Variants in DST observed in about 807,000 individuals in gnomAD.
The protein encoded by DST is bullous pemphigoid antigen.
Under a neutral mutation model 875.2 loss-of-function variants are expected in DST, and 253 were observed. The observed-to-expected ratio is 0.29, with a 90% CI of 0.26 to 0.32. The LOEUF is 0.32. Ranked by LOEUF, DST falls within the 10% of genes least tolerant of loss-of-function variation. The pLI is 1.00. For missense variants in DST, 8,287 were observed against 9,111.6 expected (o/e 0.91, Z 3.68); for synonymous variants, 3,124 against 3,197.1 (o/e 0.98, Z 0.77).
At chr6:56,801,274 C>T (rs2099746485) in intron 4 of DST, among the ~76,000 whole-genome samples, 1 of 152,118 alleles carries the variant, frequency 6.6e-6, no homozygotes, top group Non-Finnish European at 1.5e-5. Context: ...GTCTCAAAGG[C>T]TGTTTTTCAC....
intron 4 of DST, among the ~76,000 whole-genome samples, chr6:56,760,540 G>A: frequency 6.6e-6 from 1 of 152,138 alleles, no homozygotes; most frequent in Non-Finnish European, 1.5e-5. Flanking sequence ...TAAAAAGCAA[G>A]CTGATCAGGC....
chr6:56,800,834 C>CA, intron 4 of DST, among the ~76,000 whole-genome samples: 1 of 152,074 alleles, frequency 6.6e-6, no homozygotes, highest in African/African-American at 2.4e-5. Context: ...GCCTGGGCAA[C>CA]ATGGTGAAAC....
At chr6:56,819,812 T>G (rs184756691) in intron 4 of DST, among the ~76,000 whole-genome samples, 78 of 152,328 alleles carry the variant, frequency 5.1e-4, no homozygotes, top group Non-Finnish European at 1.0e-3. Context: ...TGTTAGTTCT[T>G]TTCTTATGAA....
At chr6:56,713,972 C>T (rs551701271) in intron 5 of DST, among the ~76,000 whole-genome samples, 37 of 152,254 alleles carry the variant, frequency 2.4e-4, no homozygotes, top group Admixed American at 9.8e-4. Flanking sequence ...TTTGAAATAA[C>T]CCAGGATTAT....
intron 2 of DST, among the ~76,000 whole-genome samples, chr6:56,940,569 C>CT (rs58560493): frequency 0.024 from 3,491 of 148,488 alleles, 137 homozygotes; most frequent in African/African-American, 0.079. Flanking sequence ...TTCTCTTATC[C>CT]TTTTTTTTTT....
intron 2 of DST, among the ~76,000 whole-genome samples, chr6:56,917,321 A>G (rs1481692476): frequency 6.6e-6 from 1 of 152,264 alleles, no homozygotes; most frequent in Non-Finnish European, 1.5e-5. Context: ...AAAGACAGAG[A>G]AAAAGCAGAA....
chr6:56,657,691 T>A (rs1313287232), intron 10 of DST, among the ~76,000 whole-genome samples: 1 of 152,192 alleles, frequency 6.6e-6, no homozygotes, highest in Non-Finnish European at 1.5e-5. Flanking sequence ...TAAATGTACT[T>A]AATGCCACTT....
intron 49 of DST, among the ~76,000 whole-genome samples, chr6:56,590,710 A>G (rs1429868824): frequency 5.3e-5 from 8 of 152,116 alleles, no homozygotes; most frequent in Non-Finnish European, 5.9e-5. Context: ...GGCCCACATC[A>G]TCTCCCTAGT....
chr6:56,685,323 T>C (rs991316441), intron 9 of DST, among the ~76,000 whole-genome samples: 9 of 152,192 alleles, frequency 5.9e-5, no homozygotes, highest in African/African-American at 2.2e-4. Flanking sequence ...CTTCTGTTCA[T>C]GTCCATTGCC....
intron 4 of DST, among the ~76,000 whole-genome samples, chr6:56,743,423 T>C (rs1398778291): frequency 6.6e-6 from 1 of 152,194 alleles, no homozygotes; most frequent in Non-Finnish European, 1.5e-5. Flanking sequence ...TGTAAATGAA[T>C]AAATTGTACC....
At chr6:56,523,219 T>C (rs2096739109) in intron 69 of DST, among the ~76,000 whole-genome samples, 1 of 152,132 alleles carries the variant, frequency 6.6e-6, no homozygotes, top group Non-Finnish European at 1.5e-5. Flanking sequence ...TCAGTGAATG[T>C]ACAAGTTCTT....
intron 4 of DST, among the ~76,000 whole-genome samples, chr6:56,813,393 A>T (rs80025234): frequency 5.5e-4 from 62 of 112,176 alleles, no homozygotes; most frequent in Non-Finnish European, 9.1e-4. Context: ...ATAATAATAA[A>T]AAAAAAAATA....
At position 56,497,933 on chromosome 6, in the gene DST, C is replaced by T; in HGVS notation, c.20017G>A (p.Val6673Ile). Reference sequence around the variant, plus strand: ...ACATTTTGCCAGCGTTGATTTAAAACCTCTAGCTTGTTCTGAAGGTTGCTT... The same window carrying T: ...ACATTTTGCCAGCGTTGATTTAAAATCTCTAGCTTGTTCTGAAGGTTGCTT... ...EASNLQNKLE[V>I]LNQRWQNVLE... Residue 6673 changes from valine to isoleucine, a missense_variant, in exon 81 of 104, where the codon GTT becomes ATT. Val to Ile is a conservative substitution (Grantham distance 29, BLOSUM62 3). This residue lies in a region of DST where 1,292 missense variants were observed against 1,552.7 expected (regional missense o/e 0.83). Transcript: ENST00000680361. 6.2e-7 allele frequency: 1 copy of T among 1,613,420 alleles called. No individual in the cohort carries two copies. The highest frequency in any genetic ancestry group is 1.3e-5 in the African/African-American group (1 of 75,008).
chr6:56,533,976 G>A (rs1368698024), intron 63 of DST, among the ~76,000 whole-genome samples: 1 of 151,966 alleles, frequency 6.6e-6, no homozygotes, highest in Non-Finnish European at 1.5e-5. Context: ...TTTATGGGGT[G>A]CAATTCAATG....
rs370428455 is a variant in DST, at chr6:56,605,918, C to T, written c.8710G>A (p.Gly2904Arg). 2 of 1,612,644 alleles carry T rather than the reference C, an allele frequency of 1.2e-6. No homozygotes were observed. The highest frequency in any genetic ancestry group is 1.3e-5 in the African/African-American group (1 of 74,962). The change falls in exon 40 of 104, where the codon GGA becomes AGA. Residue 2904 changes from glycine to arginine, a missense_variant. Coordinates refer to ENST00000680361, the MANE Select transcript of DST (RefSeq NM_001374736.1). ...TTCAACAGATTTTCTTTGCTTTTTCCAGCAATCTCAGTTGTATATTCTGGA... is the reference window on the plus strand; with the variant it reads ...TTCAACAGATTTTCTTTGCTTTTTCTAGCAATCTCAGTTGTATATTCTGGA... ...NLPEYTTEIA[G>R]KSKENLLNHE...
At chr6:56,557,571 CTA>C (rs1482500177) in intron 58 of DST, 53 bp from the exon 59 acceptor site, 3 of 1,342,520 alleles carry the variant, frequency 2.2e-6, no homozygotes, top group African/African-American at 1.5e-5. Context: ...TTTAACATGA[CTA>C]TGTCTATGAG....
intron 3 of DST, among the ~76,000 whole-genome samples, chr6:56,869,244 T>A (rs1465833722): frequency 2.0e-5 from 3 of 152,258 alleles, no homozygotes. Context: ...CTTCCTGCTG[T>A]ACAGTAGCTA....
chr6:56,883,805 G>A (rs1451577001), intron 3 of DST, among the ~76,000 whole-genome samples: 1 of 151,696 alleles, frequency 6.6e-6, no homozygotes, highest in Non-Finnish European at 1.5e-5. Context: ...GCCAATATGA[G>A]GGATTTTATT....
intron 80 of DST, among the ~76,000 whole-genome samples, chr6:56,499,329 T>G (rs185320455): frequency 2.4e-4 from 36 of 152,254 alleles, no homozygotes; most frequent in Non-Finnish European, 4.4e-4. Context: ...GGCATCTGGT[T>G]AGGGAGTGTT....
Sources: gnomAD v4.1 joint callset for allele counts (sites outside exome capture counted in the v4.1 genomes callset) on GRCh38, gnomAD v4.1.1 for gene constraint, gnomAD v4.1.1 regional missense constraint, MANE v1.5 for transcripts, NCBI Gene and HGNC (gene_info 2026-07-23, HGNC 2026-07-21) for gene names.